Variants in MDGA2 observed in about 807,000 individuals in gnomAD.
MDGA2 encodes the protein MAM domain-containing glycosylphosphatidylinositol anchor protein 2.
A neutral mutation model predicts 117.8 loss-of-function variants in MDGA2; 40 were observed. That is an observed-to-expected ratio of 0.34 (90% confidence interval 0.26 to 0.44). MDGA2 has a LOEUF of 0.44. MDGA2 is among the 20% of genes least tolerant of loss of function. The pLI is 1.00. For synonymous variants in MDGA2, 452 were observed against 439.0 expected (o/e 1.03, Z -0.37); for missense variants, 1,123 against 1,250.6 (o/e 0.90, Z 1.54).
rs1462960311 is a variant in MDGA2 at position 46,884,193 on chromosome 14, G to A, written c.2239-1972C>T. On this transcript the variant is annotated intron_variant, in intron 10 of 16. Coordinates refer to ENST00000399232, the MANE Select transcript of MDGA2 (RefSeq NM_001113498.3). This position sits in a 1 kb window ranked among gnomAD's most constrained non-coding sequence, Gnocchi z 4.1. ...TGGTGTCACAAATTAGAGTGGAGAA[G>A]ATCCCTTGCTTTGAGAAGGCCTTGA... Among the ~76,000 whole-genome samples the A allele has an allele frequency of 1.3e-5, 2 of 152,104 alleles. No homozygotes were observed. Among genetic ancestry groups the A allele is most frequent in the African/African-American group, 4.8e-5 (2 of 41,452 alleles).
intron 8 of MDGA2, among the ~76,000 whole-genome samples, chr14:47,034,524 T>C (rs533799246): frequency 4.1e-4 from 63 of 152,212 alleles, no homozygotes; most frequent in African/African-American, 1.3e-3. Context: ...TTTCAATGAT[T>C]AGATCTCCAT....
At chr14:46,996,264 C>T (rs575066736) in intron 8 of MDGA2, among the ~76,000 whole-genome samples, 17 of 152,280 alleles carry the variant, frequency 1.1e-4, no homozygotes, top group East Asian at 3.9e-4. Flanking sequence ...CAACATTGTT[C>T]GTATCCAAAA....
chr14:47,503,310 TA>T (rs34858743), intron 1 of MDGA2, among the ~76,000 whole-genome samples: 47,175 of 141,954 alleles, frequency 0.33, 8,213 homozygotes, highest in East Asian at 0.59. Context: ...TTAGGTATCA[TA>T]AAAAAAAAAA....
intron 8 of MDGA2, among the ~76,000 whole-genome samples, chr14:47,026,909 C>T (rs545799203): frequency 2.6e-5 from 4 of 152,214 alleles, no homozygotes; most frequent in South Asian, 4.1e-4. Flanking sequence ...TAGTGGTTCA[C>T]ACCTTCAATC....
At chr14:47,490,030 T>C (rs1894137313) in intron 1 of MDGA2, among the ~76,000 whole-genome samples, 1 of 152,084 alleles carries the variant, frequency 6.6e-6, no homozygotes, top group Non-Finnish European at 1.5e-5. Flanking sequence ...GCACCTACTT[T>C]GAATTTGAAC....
At chr14:47,371,134 C>G (rs770705688) in intron 1 of MDGA2, among the ~76,000 whole-genome samples, 1 of 151,750 alleles carries the variant, frequency 6.6e-6, no homozygotes, top group Non-Finnish European at 1.5e-5. Context: ...ATTTTTCTCT[C>G]AAACTTTAAA....
At chr14:47,006,696 G>T (rs1331434963) in intron 8 of MDGA2, among the ~76,000 whole-genome samples, 1 of 151,414 alleles carries the variant, frequency 6.6e-6, no homozygotes, top group Non-Finnish European at 1.5e-5. Flanking sequence ...CAGCTGATGA[G>T]GAAATGGACA....
rs151173031 is a variant in MDGA2 at position 47,216,571 on chromosome 14, C to G, written c.595+1450G>C. Among the ~76,000 whole-genome samples the G allele has an allele frequency of 3.2e-3, 486 of 152,102 alleles. 5 individuals are homozygous for G. Among genetic ancestry groups the G allele is most frequent in the African/African-American group, 0.011 (454 of 41,524 alleles). The stretch of plus-strand genomic sequence containing the variant: ...AAGTTTTGCTTATAAAAGTTACAAA[C>G]AAAACATACCCACTGATTTTCAGAA... On this transcript the variant is annotated intron_variant, in intron 3 of 16. Coordinates refer to ENST00000399232, the MANE Select transcript of MDGA2 (RefSeq NM_001113498.3).
At chr14:47,152,178 G>C (rs937755877) in intron 3 of MDGA2, among the ~76,000 whole-genome samples, 1 of 152,058 alleles carries the variant, frequency 6.6e-6, no homozygotes, top group Non-Finnish European at 1.5e-5. Context: ...AGAATTTGTG[G>C]TATGAAAAAT....
At chr14:47,636,185 C>G (rs1236018995) in intron 1 of MDGA2, among the ~76,000 whole-genome samples, 1 of 151,982 alleles carries the variant, frequency 6.6e-6, no homozygotes, top group East Asian at 1.9e-4. Flanking sequence ...ACACTTTGAT[C>G]CCCCCAGACT....
chr14:47,193,468 T>A (rs905671475), intron 3 of MDGA2, among the ~76,000 whole-genome samples: 3 of 139,330 alleles, frequency 2.2e-5, no homozygotes, highest in African/African-American at 7.4e-5. Context: ...TTATTCTGAA[T>A]TTTTTTGCAG....
intron 1 of MDGA2, among the ~76,000 whole-genome samples, chr14:47,597,693 A>G (rs1896569327): frequency 6.6e-6 from 1 of 152,084 alleles, no homozygotes; most frequent in African/African-American, 2.4e-5. Context: ...TATTATAACA[A>G]CTTTAAAATA....
intron 1 of MDGA2, among the ~76,000 whole-genome samples, chr14:47,394,338 A>T (rs1450926358): frequency 6.6e-6 from 1 of 152,180 alleles, no homozygotes; most frequent in African/African-American, 2.4e-5. Context: ...AAGCTTCTTG[A>T]CTTAGAACAC....
intron 1 of MDGA2, among the ~76,000 whole-genome samples, chr14:47,664,489 T>G (rs950628200): frequency 2.0e-5 from 3 of 152,224 alleles, no homozygotes; most frequent in African/African-American, 7.2e-5. Context: ...AATATCTACA[T>G]TTCTTCTATG....
At chr14:46,940,873 C>A (rs1007233711) in intron 9 of MDGA2, among the ~76,000 whole-genome samples, 4 of 152,062 alleles carry the variant, frequency 2.6e-5, no homozygotes, top group African/African-American at 9.7e-5. Flanking sequence ...ATCATTTGGG[C>A]AAGGAGCAAG....
At chr14:47,085,003 T>C (rs1324674649) in intron 6 of MDGA2, among the ~76,000 whole-genome samples, 1 of 151,980 alleles carries the variant, frequency 6.6e-6, no homozygotes, top group Non-Finnish European at 1.5e-5. Context: ...AACAAAAATA[T>C]AATTAGAAAA....
chr14:47,632,923 G>A (rs1306608384), intron 1 of MDGA2, among the ~76,000 whole-genome samples: 1 of 152,042 alleles, frequency 6.6e-6, no homozygotes, highest in East Asian at 1.9e-4. Flanking sequence ...GAACCTGAAG[G>A]AGTTGTTTAA....
intron 1 of MDGA2, among the ~76,000 whole-genome samples, chr14:47,331,931 C>G (rs187544842): frequency 6.6e-6 from 1 of 151,950 alleles, no homozygotes; most frequent in Admixed American, 6.6e-5. Flanking sequence ...TCATTTAGCA[C>G]GTACGAACAT....
chr14:47,439,406 C>A (rs543502708), intron 1 of MDGA2, among the ~76,000 whole-genome samples: 10 of 152,090 alleles, frequency 6.6e-5, no homozygotes, highest in African/African-American at 2.2e-4. Flanking sequence ...TCATTTATCA[C>A]AAAATGTGCA....
Sources: allele counts gnomAD v4.1 joint callset (sites outside exome capture counted in the v4.1 genomes callset), GRCh38; gene constraint gnomAD v4.1.1; non-coding constraint Gnocchi (gnomAD v3.1); transcripts MANE v1.5; gene names NCBI Gene and HGNC (gene_info 2026-07-23, HGNC 2026-07-21).